Variants in EBNA1BP2 observed in about 807,000 individuals in gnomAD.
The protein encoded by EBNA1BP2 is probable rRNA-processing protein EBP2.
In EBNA1BP2, 36 loss-of-function variants were observed where a neutral mutation model predicts 43.5. The ratio of observed to expected loss-of-function variants is 0.83; its 90% CI spans 0.63 to 1.09. EBNA1BP2 has a LOEUF of 1.09. EBNA1BP2 is among the 50% of genes least tolerant of loss of function. The probability of loss-of-function intolerance (pLI) is 0.00; values close to 1 mark genes in which losing one functional copy is unlikely to be tolerated. For missense variants in EBNA1BP2, 332 were observed against 379.1 expected, an observed-to-expected ratio of 0.88 and a Z score of 1.03; for synonymous variants, 127 against 141.3, an observed-to-expected ratio of 0.90 and a Z score of 0.72.
At chr1:43,172,303 G>T (rs1481935342), upstream of EBNA1BP2, 4 of 1,551,816 alleles carry the variant, frequency 2.6e-6, no homozygotes, top group Non-Finnish European at 3.5e-6. Context: ...CTTTTGATTG[G>T]GACTTCCGCT....
chr1:43,166,427 G>A (rs1569721339), intron 7 of EBNA1BP2, among the ~76,000 whole-genome samples: 1 of 152,098 alleles, frequency 6.6e-6, no homozygotes, highest in South Asian at 2.1e-4. Context: ...TGGCCAACAT[G>A]GTGAAACCCT....
At chr1:43,165,595 T>C (rs147504378) in intron 7 of EBNA1BP2, among the ~76,000 whole-genome samples, 20 of 152,336 alleles carry the variant, frequency 1.3e-4, no homozygotes, top group Admixed American at 2.6e-4. Context: ...AAATCCACTG[T>C]GATCTTTTTA....
chr1:43,166,365 T>C (rs1644918076), intron 7 of EBNA1BP2, among the ~76,000 whole-genome samples: 1 of 152,144 alleles, frequency 6.6e-6, no homozygotes, highest in African/African-American at 2.4e-5. Context: ...TCCCAGCACT[T>C]TGGGAGGCTG....
At chr1:43,164,622 C>T (rs758943200) in intron 8 of EBNA1BP2, 21 bp downstream of exon 8, 2 of 1,613,936 alleles carry the variant, frequency 1.2e-6, no homozygotes, top group Non-Finnish European at 1.7e-6. Context: ...GCTCCTCACC[C>T]GGGCACCTGG....
chr1:43,171,757 A>G (rs1239717356), intron 2 of EBNA1BP2, 106 bp from the exon 3 acceptor site: 2 of 1,561,148 alleles, frequency 1.3e-6, no homozygotes, highest in Middle Eastern at 1.8e-4. Flanking sequence ...CAATACCCAG[A>G]CAGGTAATTG....
chr1:43,172,365 G>A, upstream of EBNA1BP2: 1 of 1,551,620 alleles, frequency 6.4e-7, no homozygotes, highest in African/African-American at 1.4e-5. Context: ...AACCGCTACG[G>A]CGTTTGAAAG....
In EBNA1BP2 at chr1:43,167,068, C is replaced by T; in HGVS notation, c.613+92G>A. On this transcript the variant is annotated intron_variant, in intron 6 of 8. Transcript: ENST00000236051. Reference sequence around the variant, plus strand: ...TTCCCAAAACTTTGATCCGACAGGTCCACATCAACCAAGAAGGCTCCAAAG... The same window carrying T: ...TTCCCAAAACTTTGATCCGACAGGTTCACATCAACCAAGAAGGCTCCAAAG... The T allele has an allele frequency of 1.5e-5, 22 of 1,506,300 alleles. 1 individual carries two copies. In the South Asian group the frequency reaches 2.3e-4, roughly 15 times the overall value. 93.3% of individuals were successfully genotyped at this position (1,506,300 alleles called of 1,614,324 possible).
Position 43,164,210 on chromosome 1 carries a change from A to G in EBNA1BP2, c.*233T>C. The G allele has an allele frequency of 1.8e-6, 1 of 551,658 alleles. No homozygotes were observed. Among genetic ancestry groups the G allele is most frequent in the Non-Finnish European group, 3.2e-6 (1 of 309,946 alleles). 34.2% of individuals were successfully genotyped at this position (551,658 alleles called of 1,614,324 possible). A position where few individuals can be genotyped will look rare whatever the true frequency, so the allele number is the denominator to read the frequency against. The stretch of plus-strand genomic sequence containing the variant: ...CAGTTAAATCATTATTTATCATAAA[A>G]TGAAGGCAATTTGAACTCAATGTCT... On this transcript the variant is annotated 3_prime_UTR_variant, in exon 9 of 9. Transcript: ENST00000236051.
rs1284437349 is a variant in EBNA1BP2 at position 43,164,426 on chromosome 1, G to A, written c.*17C>T. On this transcript the variant is annotated 3_prime_UTR_variant, in exon 9 of 9. Coordinates refer to ENST00000236051, the MANE Select transcript of EBNA1BP2 (RefSeq NM_006824.3). Reference sequence around the variant, plus strand: ...CTTCATTCCTTTTTCTTGGTTCTTTGTATTCAAAGATGCTATTTAGTGTGT... The same window carrying A: ...CTTCATTCCTTTTTCTTGGTTCTTTATATTCAAAGATGCTATTTAGTGTGT... The A allele has an allele frequency of 3.7e-6, 6 of 1,613,950 alleles. No homozygotes were observed. In the African/African-American group the frequency reaches 4.0e-5, roughly 11 times the overall value.
intron 4 of EBNA1BP2, among the ~76,000 whole-genome samples, chr1:43,169,239 G>A (rs1190456206): frequency 2.0e-5 from 3 of 152,096 alleles, no homozygotes; most frequent in African/African-American, 4.8e-5. Flanking sequence ...TCACCTTCCC[G>A]CTCCCAGTGT....
intron 7 of EBNA1BP2, 69 bp from the exon 8 acceptor site, chr1:43,164,874 G>A: frequency 3.2e-6 from 5 of 1,570,932 alleles, no homozygotes; most frequent in Non-Finnish European, 4.3e-6. Flanking sequence ...GCCCAGCAAT[G>A]CTCTCAGTTT....
intron 5 of EBNA1BP2, among the ~76,000 whole-genome samples, chr1:43,168,583 A>G (rs565305911): frequency 1.4e-4 from 21 of 152,280 alleles, no homozygotes; most frequent in African/African-American, 4.6e-4. Context: ...GGAAGAGGGG[A>G]AAACAGGCAC....
At chr1:43,171,001 G>T in intron 3 of EBNA1BP2, 122 bp from the exon 4 acceptor site, 1 of 1,360,318 alleles carries the variant, frequency 7.4e-7, no homozygotes, top group Non-Finnish European at 9.7e-7. Context: ...CCATTAGCAA[G>T]AACAAACAAA....
chr1:43,171,677 CAAG>C, intron 2 of EBNA1BP2, 26 bp from the exon 3 acceptor site: 1 of 1,608,032 alleles, frequency 6.2e-7, no homozygotes, highest in South Asian at 1.1e-5. Flanking sequence ...ACTGAGCTCA[CAAG>C]AAGGGAACTC....
chr1:43,167,733 T>C (rs1557709179), intron 5 of EBNA1BP2, among the ~76,000 whole-genome samples: 1 of 152,084 alleles, frequency 6.6e-6, no homozygotes, highest in Non-Finnish European at 1.5e-5. Context: ...AGAAAAAAGT[T>C]TGAAGGATAA....
intron 7 of EBNA1BP2, 93 bp from the exon 8 acceptor site, chr1:43,164,898 A>G (rs748693560): frequency 1.4e-4 from 213 of 1,505,046 alleles, no homozygotes; most frequent in Non-Finnish European, 1.9e-4. Flanking sequence ...TTCTATAAGC[A>G]AAGCCCCTTA....
intron 3 of EBNA1BP2, 33 bp downstream of exon 3, chr1:43,171,446 C>G (rs1279975088): frequency 1.3e-6 from 2 of 1,583,992 alleles, no homozygotes; most frequent in African/African-American, 1.4e-5. Flanking sequence ...CACAAGGATC[C>G]TCAACTTCTC....
Position 43,171,591 on chromosome 1 carries a change from C to A in EBNA1BP2, c.211G>T (p.Asp71Tyr), listed in dbSNP as rs762245946. The change falls in exon 3 of 9, where the codon GAT (aspartate) becomes TAT (tyrosine). Residue 71 changes from aspartate (D) to tyrosine (Y), a missense_variant. This residue lies in a region of EBNA1BP2 where 182 missense variants were observed against 173.7 expected (regional missense o/e 1.05). Transcript: ENST00000236051. ...KRDLEWVERLDVTLGPVPEIG... is the reference protein window; with the variant it reads ...KRDLEWVERLYVTLGPVPEIG... ...TCCGGTACCGGACCCAGTGTCACAT[C>A]GAGCCTTTCAACCCATTCCAGATCC... 3 of 1,614,218 alleles carry A rather than the reference C, an allele frequency of 1.9e-6. No individual in the cohort carries two copies. Among genetic ancestry groups the A allele is most frequent in the Admixed American group, 3.3e-5 (2 of 60,026 alleles).
Position 43,164,355 on chromosome 1 carries a change from C to T in EBNA1BP2, c.*88G>A. On this transcript the variant is annotated 3_prime_UTR_variant, in exon 9 of 9. Coordinates refer to ENST00000236051, the MANE Select transcript of EBNA1BP2 (RefSeq NM_006824.3). The stretch of plus-strand genomic sequence containing the variant: ...AGTTTATTGAAAGAAATGTTTACAA[C>T]ATGACACCAACAGAAGGGATCAAAG... 6.6e-7 allele frequency: 1 copy of T among 1,513,616 alleles called. No individual in the cohort carries two copies. Among genetic ancestry groups the T allele is most frequent in the East Asian group, 2.3e-5 (1 of 44,374 alleles). The allele number at this position is 1,513,616 out of a possible 1,614,324, so 93.8% of individuals were successfully genotyped here.
Sources: gnomAD v4.1 joint callset for allele counts (sites outside exome capture counted in the v4.1 genomes callset) on GRCh38, gnomAD v4.1.1 for gene constraint, gnomAD v4.1.1 regional missense constraint, MANE v1.5 for transcripts, NCBI Gene and HGNC (gene_info 2026-07-23, HGNC 2026-07-21) for gene names.